Variants in PREX1 observed in about 807,000 individuals in gnomAD.
PREX1 encodes the protein phosphatidylinositol-3,4,5-trisphosphate dependent Rac exchange factor 1.
In PREX1, 41 loss-of-function variants were observed where a neutral mutation model predicts 198.3. That is an observed-to-expected ratio of 0.21 (90% confidence interval 0.16 to 0.27). The LOEUF (loss-of-function observed/expected upper bound fraction) is 0.27, where lower values mean the gene tolerates loss of function less well. Among genes scored for constraint, PREX1 ranks in the 10% least tolerant of loss-of-function variants. The pLI, the probability that PREX1 is intolerant of heterozygous loss-of-function variation, is 1.00. For missense variants in PREX1, 1,620 were observed against 2,200.7 expected, an observed-to-expected ratio of 0.74 and a Z score of 5.28; for synonymous variants, 843 against 887.2, an observed-to-expected ratio of 0.95 and a Z score of 0.89.
chr20:48,880,197 T>C, the PREX1 span, among the ~76,000 whole-genome samples: 2 of 152,326 alleles, frequency 1.3e-5, no homozygotes, highest in South Asian at 4.1e-4. Context: ...TCATTTTGAC[T>C]CTAAGTCCAC....
intron 8 of PREX1, chr20:48,692,468 G>A (rs1332633459): frequency 5.9e-5 from 28 of 478,094 alleles, no homozygotes; most frequent in Non-Finnish European, 9.1e-5. Flanking sequence ...CAAGGAGGAA[G>A]GATTTGGGGT....
chr20:48,708,175 G>A (rs912537798), intron 6 of PREX1, 85 bp downstream of exon 6: 7 of 1,419,456 alleles, frequency 4.9e-6, no homozygotes, highest in Non-Finnish European at 6.7e-6. Flanking sequence ...CAGACTGACA[G>A]GTGCCCAGGC....
intron 15 of PREX1, among the ~76,000 whole-genome samples, chr20:48,662,785 A>G (rs535977942): frequency 6.6e-6 from 1 of 152,326 alleles, no homozygotes; most frequent in South Asian, 2.1e-4. Context: ...AGTTCGTGGC[A>G]GGGAACAGAG....
rs55859534 is a variant in PREX1 at position 48,822,609 on chromosome 20, G to A, written c.219+5033C>T. Among the ~76,000 whole-genome samples the A allele has an allele frequency of 4.8e-3, 737 of 152,258 alleles. 2 individuals carry two copies. The highest frequency in any genetic ancestry group is 8.4e-3 in the Non-Finnish European group (574 of 68,032). ...CCATGTTGAAAATACAATTCTTCCT[G>A]TCGGCTTCTTAAAAAATATATTCGC... is the stretch of plus-strand genomic sequence containing the variant. On this transcript the variant is annotated intron_variant, in intron 1 of 39. Coordinates refer to ENST00000371941, the MANE Select transcript of PREX1 (RefSeq NM_020820.4).
chr20:48,862,780 T>TAAAAAAAA, the PREX1 span, among the ~76,000 whole-genome samples: 50 of 99,172 alleles, frequency 5.0e-4, 2 homozygotes, highest in African/African-American at 1.8e-3. Flanking sequence ...TAAAAAAGCC[T>TAAAAAAAA]AAAAAAAAAA....
chr20:48,813,868 C>A (rs897829148), intron 1 of PREX1, among the ~76,000 whole-genome samples: 2 of 152,148 alleles, frequency 1.3e-5, no homozygotes, highest in African/African-American at 4.8e-5. Context: ...CATAAGAGCG[C>A]CTGTAGCTGA....
chr20:48,686,979 T>A (rs2089788679), intron 10 of PREX1, among the ~76,000 whole-genome samples: 1 of 152,082 alleles, frequency 6.6e-6, no homozygotes, highest in Admixed American at 6.5e-5. Flanking sequence ...TGCTCCTGCC[T>A]CCCCGCCTCT....
At chr20:48,696,997 CA>C (rs2089850207) in intron 7 of PREX1, among the ~76,000 whole-genome samples, 1 of 152,022 alleles carries the variant, frequency 6.6e-6, no homozygotes, top group African/African-American at 2.4e-5. Flanking sequence ...CACACACACA[CA>C]CACACCCTAT....
chr20:48,842,171 A>T, the PREX1 span, among the ~76,000 whole-genome samples: 1 of 152,240 alleles, frequency 6.6e-6, no homozygotes, highest in Non-Finnish European at 1.5e-5. Flanking sequence ...GCATGAAAGA[A>T]ATAAAAAAAG....
At chr20:48,835,090 A>T in the PREX1 span, among the ~76,000 whole-genome samples, 1 of 152,082 alleles carries the variant, frequency 6.6e-6, no homozygotes, top group Non-Finnish European at 1.5e-5. Flanking sequence ...TTCTGCTCCC[A>T]CCCTACTGGC....
At chr20:48,784,906 A>G (rs2090304967) in intron 1 of PREX1, among the ~76,000 whole-genome samples, 1 of 149,578 alleles carries the variant, frequency 6.7e-6, no homozygotes, top group African/African-American at 2.5e-5. Context: ...TATCATTTCT[A>G]TTTCTTTCTC....
chr20:48,668,287 G>A (rs1326354886), intron 14 of PREX1, among the ~76,000 whole-genome samples: 1 of 152,192 alleles, frequency 6.6e-6, no homozygotes, highest in Non-Finnish European at 1.5e-5. Flanking sequence ...ACCAGGGGAG[G>A]ACAAGCTGAG....
intron 25 of PREX1, among the ~76,000 whole-genome samples, chr20:48,648,284 C>T (rs1386333652): frequency 2.0e-5 from 3 of 152,216 alleles, no homozygotes; most frequent in Non-Finnish European, 4.4e-5. Context: ...CTAATACATA[C>T]AGACTTTCTT....
At chr20:48,643,927 T>C (rs1470682460) in intron 27 of PREX1, among the ~76,000 whole-genome samples, 2 of 151,360 alleles carry the variant, frequency 1.3e-5, no homozygotes, top group African/African-American at 4.8e-5. Context: ...TCCGCCTGCC[T>C]TGGCCTCCCA....
At chr20:48,845,731 G>T in the PREX1 span, among the ~76,000 whole-genome samples, 1 of 150,992 alleles carries the variant, frequency 6.6e-6, no homozygotes, top group Admixed American at 6.6e-5. Flanking sequence ...GAGCTTTCTA[G>T]GCAGAGGAAA....
At chr20:48,627,399 T>G in intron 39 of PREX1, 149 bp downstream of exon 39, 1 of 854,516 alleles carries the variant, frequency 1.2e-6, no homozygotes. Flanking sequence ...GACAAAGTTG[T>G]GTCTGTTGCT....
At chr20:48,676,054 G>T in intron 14 of PREX1, 139 bp downstream of exon 14, 5 of 776,252 alleles carry the variant, frequency 6.4e-6, no homozygotes, top group Non-Finnish European at 1.0e-5. Context: ...AAAAAAAAAA[G>T]ATCAAGATGG....
At chr20:48,868,296 A>G in the PREX1 span, among the ~76,000 whole-genome samples, 4 of 152,154 alleles carry the variant, frequency 2.6e-5, no homozygotes, top group African/African-American at 9.7e-5. Context: ...CAGGAATGCT[A>G]CATCATCTAT....
At chr20:48,826,751 C>A (rs1358476966) in intron 1 of PREX1, among the ~76,000 whole-genome samples, 8 of 152,078 alleles carry the variant, frequency 5.3e-5, no homozygotes, top group Non-Finnish European at 8.8e-5. Context: ...CCCAGCTACT[C>A]GGGAGGCTGA....
Sources: allele counts gnomAD v4.1 joint callset (sites outside exome capture counted in the v4.1 genomes callset), GRCh38; gene constraint gnomAD v4.1.1; transcripts MANE v1.5; gene names NCBI Gene and HGNC (gene_info 2026-07-23, HGNC 2026-07-21).